Variants in BANP observed in about 807,000 individuals in gnomAD.
BANP encodes the protein BTG3 associated nuclear protein, also known as protein BANP.
In BANP, 11 loss-of-function variants were observed where a neutral mutation model predicts 68.1. The ratio of observed to expected loss-of-function variants is 0.16; its 90% CI spans 0.10 to 0.27. The LOEUF is 0.27. Among genes scored for constraint, BANP ranks in the 10% least tolerant of loss-of-function variants. BANP has a pLI of 1.00. For synonymous variants in BANP, 329 were observed against 303.2 expected (o/e 1.09, Z -0.88); for missense variants, 504 against 722.7 (o/e 0.70, Z 3.47).
rs112093810 is a variant in BANP at position 87,973,498 on chromosome 16, C to T, written c.-68-1550C>T. On this transcript the variant is annotated intron_variant, in intron 1 of 13. Coordinates refer to ENST00000682872, the MANE Select transcript of BANP (RefSeq NM_001386991.1). ...AGCTGAGGCCGGGCGCGGTGGCTCA[C>T]GCCTGTAATCCCAGCACCTTGGGAG... 4.7e-3 allele frequency among the ~76,000 whole-genome samples: 711 copies of T among 152,266 alleles called. 8 individuals carry two copies. Among genetic ancestry groups the T allele is most frequent in the African/African-American group, 0.015 (642 of 41,544 alleles).
At chr16:88,022,608 A>G (rs1325782425) in intron 7 of BANP, among the ~76,000 whole-genome samples, 1 of 152,156 alleles carries the variant, frequency 6.6e-6, no homozygotes, top group East Asian at 1.9e-4. Context: ...AGGGTGCCTC[A>G]GGTTCCTGTG....
intron 8 of BANP, among the ~76,000 whole-genome samples, chr16:88,029,492 T>C: frequency 6.6e-6 from 1 of 151,330 alleles, no homozygotes; most frequent in East Asian, 1.9e-4. Flanking sequence ...GCGCCTGTAG[T>C]CCCAGCTACT....
At chr16:87,989,103 C>A (rs895402500) in intron 4 of BANP, among the ~76,000 whole-genome samples, 6 of 152,030 alleles carry the variant, frequency 3.9e-5, no homozygotes, top group Non-Finnish European at 7.4e-5. Context: ...ACTTCGAGAA[C>A]AAAGAAAAGA....
Position 88,018,744 on chromosome 16 carries a change from C to T in BANP, c.895+77C>T. On this transcript the variant is annotated intron_variant, in intron 7 of 13. Coordinates refer to ENST00000682872, the MANE Select transcript of BANP (RefSeq NM_001386991.1). This position sits in a 1 kb window ranked among gnomAD's most constrained non-coding sequence, Gnocchi z 7.7. ...GACCCACATTTCAATGCTGAGGACG[C>T]TGGCATCAGTAGCACCGGCACGGGG... is the stretch of plus-strand genomic sequence containing the variant. 6.8e-7 allele frequency: 1 copy of T among 1,479,294 alleles called. No homozygotes were observed. Among genetic ancestry groups the T allele is most frequent in the Non-Finnish European group, 9.1e-7 (1 of 1,103,364 alleles). The allele number at this position is 1,479,294 out of a possible 1,614,324, so 91.6% of individuals were successfully genotyped here. A position where few individuals can be genotyped will look rare whatever the true frequency, so the allele number is the denominator to read the frequency against.
In BANP at chr16:88,070,408, T is replaced by C. The variant is rs918977666; in HGVS notation, c.1378-1661T>C. On this transcript the variant is annotated intron_variant, in intron 12 of 13. Transcript: ENST00000682872. ...AGAAACCCCAGAGTCCAGCAGAACA[T>C]CTGACTCTGGCCATATTCCTTCTTG... Among the ~76,000 whole-genome samples, 6 of 152,260 alleles carry C rather than the reference T, an allele frequency of 3.9e-5. No homozygotes were observed. In the South Asian group the frequency reaches 1.0e-3, roughly 26 times the overall value.
intron 11 of BANP, among the ~76,000 whole-genome samples, chr16:88,046,230 A>ATGTG (rs558198353): frequency 1.3e-5 from 2 of 151,774 alleles, no homozygotes; most frequent in African/African-American, 4.8e-5. Context: ...GCATGTGTGA[A>ATGTG]TGTGTGTGTG....
At chr16:88,029,545 A>G (rs938792297) in intron 8 of BANP, among the ~76,000 whole-genome samples, 3 of 149,906 alleles carry the variant, frequency 2.0e-5, no homozygotes, top group Non-Finnish European at 3.0e-5. Flanking sequence ...TGGGAGGCGG[A>G]GCTTGCAGTG....
intron 7 of BANP, among the ~76,000 whole-genome samples, chr16:88,026,601 G>T (rs1239865230): frequency 6.6e-6 from 1 of 152,086 alleles, no homozygotes; most frequent in East Asian, 1.9e-4. Context: ...TCCAAACTGT[G>T]TTTACCAGGG....
At chr16:88,050,938 C>T (rs1280056446) in intron 11 of BANP, among the ~76,000 whole-genome samples, 1 of 152,238 alleles carries the variant, frequency 6.6e-6, no homozygotes, top group South Asian at 2.1e-4. Context: ...CCGCCTGCCT[C>T]AGCCTCCCAA....
At chr16:88,070,840 G>A (rs1303970468) in intron 12 of BANP, among the ~76,000 whole-genome samples, 1 of 152,118 alleles carries the variant, frequency 6.6e-6, no homozygotes, top group Non-Finnish European at 1.5e-5. Context: ...GTTTGCTCTG[G>A]GCGCCGTACT....
intron 8 of BANP, among the ~76,000 whole-genome samples, chr16:88,029,610 CA>C (rs60313647): frequency 0.26 from 30,727 of 118,790 alleles, 4,162 homozygotes; most frequent in East Asian, 0.58. Flanking sequence ...GACTCCGTCT[CA>C]AAAAAAAAAA....
intron 1 of BANP, among the ~76,000 whole-genome samples, chr16:87,961,409 A>ACCCC (rs908188118): frequency 6.1e-5 from 8 of 130,290 alleles, no homozygotes; most frequent in Non-Finnish European, 1.3e-4. Flanking sequence ...CAGAATCTGC[A>ACCCC]CCCCCCCGGG....
At chr16:87,975,684 C>T (rs1766066792) in intron 2 of BANP, among the ~76,000 whole-genome samples, 1 of 150,958 alleles carries the variant, frequency 6.6e-6, no homozygotes, top group Non-Finnish European at 1.5e-5. Flanking sequence ...GTCATGGAAC[C>T]TTACCATGTG....
intron 1 of BANP, chr16:87,952,798 A>G (rs921080997): frequency 1.3e-5 from 2 of 152,062 alleles, no homozygotes; most frequent in African/African-American, 2.4e-5. Flanking sequence ...TTTTGGAGAT[A>G]GGGTTTCACT....
At chr16:87,984,884 A>G (rs73242976) in intron 4 of BANP, among the ~76,000 whole-genome samples, 3,121 of 152,322 alleles carry the variant, frequency 0.02, 97 homozygotes, top group African/African-American at 0.07. Context: ...CTGGCCAGAA[A>G]GAAGTCCTGC....
intron 4 of BANP, among the ~76,000 whole-genome samples, chr16:87,985,182 G>A (rs887739886): frequency 6.6e-6 from 1 of 152,208 alleles, no homozygotes; most frequent in Non-Finnish European, 1.5e-5. Flanking sequence ...GGAAGTCTGG[G>A]GGCAGCTCCA....
At chr16:88,033,309 A>G in intron 9 of BANP, 64 bp downstream of exon 9, 16 of 1,432,848 alleles carry the variant, frequency 1.1e-5, no homozygotes, top group Non-Finnish European at 1.4e-5. Flanking sequence ...CGGCAGGGCC[A>G]TGGCGGCTTC....
intron 1 of BANP, among the ~76,000 whole-genome samples, chr16:87,952,922 C>T (rs1180720172): frequency 6.6e-6 from 1 of 152,126 alleles, no homozygotes; most frequent in Non-Finnish European, 1.5e-5. Flanking sequence ...CCACAGACGC[C>T]ACCACCCCGG....
Position 88,076,459 on chromosome 16 carries a change from G to A in BANP, c.1522-131G>A, listed in dbSNP as rs1057044516. The A allele has an allele frequency of 9.4e-6, 7 of 741,212 alleles. No homozygotes were observed. The Admixed American group carries it at 1.2e-4, about 13-fold the overall frequency. 45.9% of individuals were successfully genotyped at this position (741,212 alleles called of 1,614,324 possible). On this transcript the variant is annotated intron_variant, in intron 13 of 13. Coordinates refer to ENST00000682872, the MANE Select transcript of BANP (RefSeq NM_001386991.1). The stretch of plus-strand genomic sequence containing the variant: ...ACCAAGTCGGGTGAGCCTTGGGGCC[G>A]TCAGGGCTCCTTCGCGCTCCTGTGT...
Sources: allele counts gnomAD v4.1 joint callset (sites outside exome capture counted in the v4.1 genomes callset), GRCh38; gene constraint gnomAD v4.1.1; non-coding constraint Gnocchi (gnomAD v3.1); transcripts MANE v1.5; gene names NCBI Gene and HGNC (gene_info 2026-07-23, HGNC 2026-07-21).